The following D2HGDH variants were observed in gnomAD, a reference collection of about 807,000 sequenced individuals.
D2HGDH encodes the protein D-2-hydroxyglutarate dehydrogenase.
A neutral mutation model predicts 46.9 loss-of-function variants in D2HGDH; 31 were observed. The ratio of observed to expected loss-of-function variants is 0.66; its 90% CI spans 0.50 to 0.89. The LOEUF (loss-of-function observed/expected upper bound fraction) is 0.89, where lower values mean the gene tolerates loss of function less well. Among genes scored for constraint, D2HGDH ranks in the 40% least tolerant of loss-of-function variants. The probability of loss-of-function intolerance (pLI) is 0.00; values close to 1 mark genes in which losing one functional copy is unlikely to be tolerated. For synonymous variants in D2HGDH, 364 were observed against 332.6 expected, an observed-to-expected ratio of 1.09 and a Z score of -1.03; for missense variants, 698 against 720.8, an observed-to-expected ratio of 0.97 and a Z score of 0.36.
Position 241,735,115 on chromosome 2 carries a change from A to AC in D2HGDH, c.-92-15dup. Reference sequence around the variant, plus strand: ...TACAACGTGCATAAAACATGAAATTACCCTTGGCCACTTCCAGGCGCGCAG... The same window carrying AC: ...TACAACGTGCATAAAACATGAAATTACCCCTTGGCCACTTCCAGGCGCGCAG... On this transcript the variant is annotated splice_polypyrimidine_tract_variant and intron_variant, in intron 1 of 9. Transcript: ENST00000321264. 1.7e-6 allele frequency: 2 copies of AC among 1,167,654 alleles called. No homozygotes were observed. Among genetic ancestry groups the AC allele is most frequent in the Non-Finnish European group, 2.3e-6 (2 of 875,016 alleles). 72.3% of individuals were successfully genotyped at this position (1,167,654 alleles called of 1,614,324 possible). A position where few individuals can be genotyped will look rare whatever the true frequency, so the allele number is the denominator to read the frequency against.
chr2:241,740,572 T>C (rs1245773175), intron 2 of D2HGDH, among the ~76,000 whole-genome samples: 2 of 152,140 alleles, frequency 1.3e-5, no homozygotes, highest in Non-Finnish European at 2.9e-5. Context: ...CAGGCTGGAG[T>C]GCAGTGTTGC....
At chr2:241,746,527 G>A (rs988567331) in intron 6 of D2HGDH, among the ~76,000 whole-genome samples, 3 of 152,182 alleles carry the variant, frequency 2.0e-5, no homozygotes, top group East Asian at 1.9e-4. Flanking sequence ...GCCAAGGCGG[G>A]TGGGTCATTT....
rs566223624 is a variant in D2HGDH at position 241,755,932 on chromosome 2, G to C, written c.1224G>C (p.Val408=). ...YVYKYDLSLP[V]ERLYDIVTDL... ...ACAAGTACGACCTCTCCCTCCCTGT[G>C]GAGCGGCTCTACGACATCGTGACTG... Residue 408 remains valine, a synonymous_variant, in exon 9 of 10, where the codon GTG becomes GTC. Coordinates refer to ENST00000321264, the MANE Select transcript of D2HGDH (RefSeq NM_152783.5). The C allele has an allele frequency of 4.3e-6, 7 of 1,612,458 alleles. No individual in the cohort carries two copies. The highest frequency in any genetic ancestry group is 5.9e-6 in the Non-Finnish European group (7 of 1,179,284).
intron 9 of D2HGDH, among the ~76,000 whole-genome samples, chr2:241,758,767 ATATGTGTGTGTGTG>A (rs1219611247): frequency 2.0e-4 from 21 of 106,140 alleles, no homozygotes; most frequent in African/African-American, 4.8e-4. Flanking sequence ...GCCCCACAAT[ATATGTGTGTGTGTG>A]TGTGTGTGTG....
chr2:241,739,427 G>A (rs1395112199), intron 2 of D2HGDH, among the ~76,000 whole-genome samples: 7 of 152,358 alleles, frequency 4.6e-5, no homozygotes, highest in Admixed American at 3.3e-4. Context: ...GTGTCGGGCC[G>A]AGGCCCAGGT....
intron 5 of D2HGDH, among the ~76,000 whole-genome samples, chr2:241,744,269 T>C (rs768908341): frequency 6.6e-6 from 1 of 152,250 alleles, no homozygotes; most frequent in Non-Finnish European, 1.5e-5. Flanking sequence ...AAAACCATGC[T>C]TTGGTGCCAT....
At chr2:241,755,640 C>A in intron 8 of D2HGDH, 1 of 1,535,454 alleles carries the variant, frequency 6.5e-7, no homozygotes, top group Non-Finnish European at 8.8e-7. Flanking sequence ...GGGGCATTCG[C>A]TGTCCTGGGT....
At position 241,735,144 on chromosome 2, in the gene D2HGDH, G is replaced by A. The variant is rs1245466416; in HGVS notation, c.-81G>A. ...TTGGCCACTTCCAGGCGCGCAGCCA[G>A]CGGCTCCCTGCCCTTCCCCTCCGGG... On this transcript the variant is annotated 5_prime_UTR_variant, in exon 2 of 10. Coordinates refer to ENST00000321264, the MANE Select transcript of D2HGDH (RefSeq NM_152783.5). The A allele has an allele frequency of 1.4e-6, 2 of 1,385,332 alleles. No homozygotes were observed. The highest frequency in any genetic ancestry group is 6.4e-5 in the Admixed American group (2 of 31,126). 85.8% of individuals were successfully genotyped at this position (1,385,332 alleles called of 1,614,324 possible).
At chr2:241,751,095 C>A in intron 7 of D2HGDH, 151 bp from the exon 8 acceptor site, 3 of 1,036,248 alleles carry the variant, frequency 2.9e-6, no homozygotes, top group Non-Finnish European at 4.3e-6. Context: ...GTCAGCTTAA[C>A]CAGAGAGCTG....
In D2HGDH at chr2:241,743,529, G is replaced by C; in HGVS notation, c.491-93G>C. The C allele has an allele frequency of 1.4e-6, 2 of 1,421,062 alleles. No individual in the cohort carries two copies. Among genetic ancestry groups the C allele is most frequent in the Non-Finnish European group, 1.9e-6 (2 of 1,036,930 alleles). The allele number at this position is 1,421,062 out of a possible 1,614,324, so 88.0% of individuals were successfully genotyped here. A position where few individuals can be genotyped will look rare whatever the true frequency, so the allele number is the denominator to read the frequency against. ...GGCGCTGAGGCTGATGTTCCTTCTG[G>C]GTGGCTTGCCTGTGCAAGATGGGGG... On this transcript the variant is annotated intron_variant, in intron 4 of 9. Coordinates refer to ENST00000321264, the MANE Select transcript of D2HGDH (RefSeq NM_152783.5). The surrounding 1 kb of genome is among the most constrained non-coding windows in gnomAD (Gnocchi z 4.8).
rs79248835 is a variant in D2HGDH, at chr2:241,734,898, A to C, written c.-93+203A>C. ...GGATCCCCTCGGGGGGCGAGCTCGG[A>C]GGAACGGGGTCCTGGGCAAGGTCCC... On this transcript the variant is annotated intron_variant, in intron 1 of 9. Transcript: ENST00000321264. 83,992 of 297,032 alleles carry C rather than the reference A, an allele frequency of 0.28. 12,622 individuals are homozygous for C. Among genetic ancestry groups the C allele is most frequent in the Middle Eastern group, 0.34 (372 of 1,110 alleles). 18.4% of individuals were successfully genotyped at this position (297,032 alleles called of 1,614,324 possible).
In D2HGDH at chr2:241,747,633, A is replaced by G. The variant is rs569627358; in HGVS notation, c.854-2518A>G. ...ATCCAGGCTGGAGTGCAGTGGTGCA[A>G]TCGTGGCTCACTGCAGCCTTGAACT... On this transcript the variant is annotated intron_variant, in intron 6 of 9. Coordinates refer to ENST00000321264, the MANE Select transcript of D2HGDH (RefSeq NM_152783.5). 7.3e-5 allele frequency among the ~76,000 whole-genome samples: 11 copies of G among 151,186 alleles called. No homozygotes were observed. In the East Asian group the frequency reaches 9.7e-4, roughly 13 times the overall value.
intron 2 of D2HGDH, among the ~76,000 whole-genome samples, chr2:241,739,752 CAGTGAATAA>C (rs1693926513): frequency 6.6e-6 from 1 of 152,252 alleles, no homozygotes; most frequent in Non-Finnish European, 1.5e-5. Context: ...ACTTATAGCC[CAGTGAATAA>C]AGTGAGAAGC....
At position 241,735,334 on chromosome 2, in the gene D2HGDH, G is replaced by C. The variant is rs1245645852; in HGVS notation, c.110G>C (p.Cys37Ser). ...PVGPLARRGC[C>S]SAPGTPEVPL... Reference sequence around the variant, plus strand: ...GGCCCCCTGGCCCGCAGAGGCTGCTGCTCCGCCCCGGGGACCCCCGAGGTG... The same window carrying C: ...GGCCCCCTGGCCCGCAGAGGCTGCTCCTCCGCCCCGGGGACCCCCGAGGTG... The change falls in exon 2 of 10, where the codon TGC becomes TCC. Residue 37 changes from cysteine to serine, a missense_variant. Physicochemically the swap from Cys to Ser is moderately radical, Grantham distance 112 (BLOSUM62 -1). Coordinates refer to ENST00000321264, the MANE Select transcript of D2HGDH (RefSeq NM_152783.5). 3.2e-6 allele frequency: 5 copies of C among 1,548,168 alleles called. No homozygotes were observed. The African/African-American group carries it at 6.8e-5, about 21-fold the overall frequency.
chr2:241,742,456 G>A lies in D2HGDH; in HGVS notation c.372G>A (p.Leu124=), dbSNP rs147642942. The A allele has an allele frequency of 3.0e-5, 48 of 1,613,178 alleles. 1 individual carries two copies. The South Asian group carries it at 5.0e-4, about 17-fold the overall frequency. Residue 124 remains leucine (L), a synonymous_variant, in exon 4 of 10, where the codon CTG becomes CTA. Transcript: ENST00000321264. The surrounding 1 kb of genome is among the most constrained non-coding windows in gnomAD (Gnocchi z 4.8). ...CCAGGCACTGCCACGAGAGGAACCT[G>A]GCCGTGAACCCACAGGGGGGCAACA... ...HILRHCHERN[L]AVNPQGGNTG...
intron 9 of D2HGDH, among the ~76,000 whole-genome samples, chr2:241,761,690 G>A (rs375177043): frequency 1.3e-5 from 2 of 152,092 alleles, no homozygotes; most frequent in East Asian, 3.8e-4. Context: ...CATGCTGTTC[G>A]GTGGTGTATT....
At chr2:241,748,104 T>C (rs1033814252) in intron 6 of D2HGDH, among the ~76,000 whole-genome samples, 1 of 148,254 alleles carries the variant, frequency 6.7e-6, no homozygotes, top group Non-Finnish European at 1.5e-5. Context: ...TCCCTCGCTC[T>C]TGATGCTCTT....
At chr2:241,750,571 C>A (rs1697003889) in intron 7 of D2HGDH, among the ~76,000 whole-genome samples, 1 of 152,210 alleles carries the variant, frequency 6.6e-6, no homozygotes, top group Admixed American at 6.5e-5. Context: ...AACTAAGTGG[C>A]TATTTTTGGT....
intron 6 of D2HGDH, among the ~76,000 whole-genome samples, chr2:241,745,275 G>C (rs1162545458): frequency 1.3e-5 from 2 of 152,194 alleles, no homozygotes; most frequent in African/African-American, 4.8e-5. Context: ...GTAATGGGGG[G>C]CTTCCCCAGT....
Sources: gnomAD v4.1 joint callset for allele counts (sites outside exome capture counted in the v4.1 genomes callset) on GRCh38, gnomAD v4.1.1 for gene constraint, Gnocchi (gnomAD v3.1) non-coding constraint, MANE v1.5 for transcripts, NCBI Gene and HGNC (gene_info 2026-07-23, HGNC 2026-07-21) for gene names.